Variants in MTNR1A observed in about 807,000 individuals in gnomAD.
The protein encoded by MTNR1A is melatonin receptor 1A, also known as melatonin receptor type 1A.
In MTNR1A, 7 loss-of-function variants were observed where a neutral mutation model predicts 5.5. That is an observed-to-expected ratio of 1.28 (90% CI 0.73 to 2.40). The LOEUF (loss-of-function observed/expected upper bound fraction) is 2.40, where lower values mean the gene tolerates loss of function less well. Among genes scored for constraint, MTNR1A ranks in the 30% most tolerant of loss-of-function variants. MTNR1A has a pLI of 0.00. For synonymous variants in MTNR1A, 196 were observed against 202.7 expected (o/e 0.97, Z 0.28); for missense variants, 441 against 464.4 (o/e 0.95, Z 0.46).
intron 1 of MTNR1A, among the ~76,000 whole-genome samples, chr4:186,553,692 T>C (rs998010665): frequency 2.0e-5 from 3 of 152,192 alleles, no homozygotes; most frequent in African/African-American, 7.2e-5. Flanking sequence ...TTTGTATTTT[T>C]AGTAGAGACG....
chr4:186,543,482 T>C (rs1454351350), intron 1 of MTNR1A, among the ~76,000 whole-genome samples: 1 of 152,232 alleles, frequency 6.6e-6, no homozygotes, highest in Non-Finnish European at 1.5e-5. Flanking sequence ...CCTGGCCAAC[T>C]GCAGAAGTGA....
intron 1 of MTNR1A, among the ~76,000 whole-genome samples, chr4:186,551,465 A>G (rs555093171): frequency 4.6e-5 from 7 of 152,228 alleles, no homozygotes; most frequent in Admixed American, 1.3e-4. Flanking sequence ...AAAAAGAACT[A>G]ATCACCAGAT....
intron 1 of MTNR1A, among the ~76,000 whole-genome samples, chr4:186,539,955 G>A (rs1736972312): frequency 6.6e-6 from 1 of 152,118 alleles, no homozygotes; most frequent in Admixed American, 6.6e-5. Context: ...AGACATACTC[G>A]AGACTGGGCA....
chr4:186,534,396 A>C lies in MTNR1A; in HGVS notation c.346T>G (p.Phe116Val). ...TTGATGGCGATGCCGGTGATGTTGA[A>C]TATGGAGCCGATGACGCTCAGGCCC... ...LMGLSVIGSI[F>V]NITGIAINRY... The change falls in exon 2 of 2, where the codon TTC (phenylalanine) becomes GTC (valine). Residue 116 changes from phenylalanine (F) to valine (V), a missense_variant. Physicochemically the swap from Phe to Val is conservative, Grantham distance 50. Transcript: ENST00000307161. 6.2e-7 allele frequency: 1 copy of C among 1,614,144 alleles called. No homozygotes were observed. The highest frequency in any genetic ancestry group is 8.5e-7 in the Non-Finnish European group (1 of 1,180,020).
intron 1 of MTNR1A, among the ~76,000 whole-genome samples, chr4:186,550,941 AACAGCTAAGAAT>A (rs1408035702): frequency 1.3e-4 from 20 of 152,230 alleles, no homozygotes; most frequent in Admixed American, 1.2e-3. Flanking sequence ...AAAACTGAAC[AACAGCTAAGAAT>A]ACAAGGGGGA....
chr4:186,543,457 T>C (rs546606174), intron 1 of MTNR1A, among the ~76,000 whole-genome samples: 2 of 152,288 alleles, frequency 1.3e-5, no homozygotes, highest in African/African-American at 4.8e-5. Flanking sequence ...TAGTTCCAAA[T>C]ACCCACTGTG....
chr4:186,538,207 C>T (rs1444598607), intron 1 of MTNR1A, among the ~76,000 whole-genome samples: 2 of 152,218 alleles, frequency 1.3e-5, no homozygotes, highest in Non-Finnish European at 2.9e-5. Flanking sequence ...AGGACACTGC[C>T]TGTCTTAGAT....
At chr4:186,553,809 G>T (rs1186288984) in intron 1 of MTNR1A, among the ~76,000 whole-genome samples, 1 of 152,222 alleles carries the variant, frequency 6.6e-6, no homozygotes, top group Admixed American at 6.5e-5. Flanking sequence ...ATCGCGCCCA[G>T]CCGTGAACAC....
intron 1 of MTNR1A, among the ~76,000 whole-genome samples, chr4:186,539,710 C>T (rs1054821446): frequency 1.3e-5 from 2 of 152,228 alleles, no homozygotes; most frequent in African/African-American, 4.8e-5. Flanking sequence ...GACTCCAAAT[C>T]TGCCAGTGCC....
Position 186,548,044 on chromosome 4 carries a change from A to G in MTNR1A, c.184+7138T>C, listed in dbSNP as rs150137416. ...CTGATACTGTACCTTTATTCGTCTT[A>G]GAGAATTTAGGATGAAACTTTAACA... On this transcript the variant is annotated intron_variant, in intron 1 of 1. Transcript: ENST00000307161. Among the ~76,000 whole-genome samples, 30 of 152,332 alleles carry G rather than the reference A, an allele frequency of 2.0e-4. No homozygotes were observed. The East Asian group carries it at 5.6e-3, about 28-fold the overall frequency.
chr4:186,554,676 C>T (rs1436777851), intron 1 of MTNR1A, among the ~76,000 whole-genome samples: 1 of 152,200 alleles, frequency 6.6e-6, no homozygotes, highest in Non-Finnish European at 1.5e-5. Context: ...CGCCGCCTGC[C>T]GGACACAGCA....
intron 1 of MTNR1A, among the ~76,000 whole-genome samples, chr4:186,542,272 G>C (rs1295048266): frequency 6.6e-6 from 1 of 152,128 alleles, no homozygotes; most frequent in Non-Finnish European, 1.5e-5. Context: ...GTTCTGGCTG[G>C]AACAGAGGCA....
chr4:186,550,962 G>GA (rs1560898706), intron 1 of MTNR1A, among the ~76,000 whole-genome samples: 3 of 152,292 alleles, frequency 2.0e-5, no homozygotes, highest in East Asian at 3.9e-4. Context: ...ATACAAGGGG[G>GA]AAAAATCAAT....
In MTNR1A at chr4:186,533,755, A is replaced by G. The variant is rs1311386969; in HGVS notation, c.987T>C (p.Asp329=). ...GTGGAGACGGTTTCCATTTAACCCTATCGGCCACGTCGTTAGAGCTGTCCA... is the reference window on the plus strand; with the variant it reads ...GTGGAGACGGTTTCCATTTAACCCTGTCGGCCACGTCGTTAGAGCTGTCCA... ...FFVDSSNDVA[D]RVKWKPSPLM... is the part of the protein sequence containing the mutation. Residue 329 remains aspartate, a synonymous_variant, in exon 2 of 2, where the codon GAT becomes GAC. Transcript: ENST00000307161. 6.8e-6 allele frequency: 11 copies of G among 1,614,150 alleles called. No homozygotes were observed. In the South Asian group the frequency reaches 1.2e-4, roughly 18 times the overall value.
chr4:186,551,059 A>C (rs1333127637), intron 1 of MTNR1A, among the ~76,000 whole-genome samples: 1 of 152,242 alleles, frequency 6.6e-6, no homozygotes, highest in Non-Finnish European at 1.5e-5. Context: ...AGCAGCGCCA[A>C]CAAGAAACCT....
chr4:186,548,840 TATATATAC>T (rs534869436), intron 1 of MTNR1A, among the ~76,000 whole-genome samples: 18,104 of 92,744 alleles, frequency 0.2, 2,482 homozygotes, highest in East Asian at 0.34. Context: ...TATATATATA[TATATATAC>T]ACTATATATG....
At position 186,534,197 on chromosome 4, in the gene MTNR1A, G is replaced by T; in HGVS notation, c.545C>A (p.Ser182Tyr). 6.2e-7 allele frequency: 1 copy of T among 1,613,642 alleles called. No homozygotes were observed. Among genetic ancestry groups the T allele is most frequent in the South Asian group, 1.1e-5 (1 of 91,080 alleles). ...GGCGATGGTGTAGGCGGAGCTGACG[G>T]ACTGGGCGAAGGTGCACGAGTAGAT... ...PRIYSCTFAQSVSSAYTIAVV... is the reference protein window; with the variant it reads ...PRIYSCTFAQYVSSAYTIAVV... Residue 182 changes from serine to tyrosine, a missense_variant, in exon 2 of 2, where the codon TCC becomes TAC. Ser to Tyr is a moderately radical substitution (Grantham distance 144). Coordinates refer to ENST00000307161, the MANE Select transcript of MTNR1A (RefSeq NM_005958.4).
At chr4:186,537,615 C>G (rs1736890138) in intron 1 of MTNR1A, among the ~76,000 whole-genome samples, 1 of 152,182 alleles carries the variant, frequency 6.6e-6, no homozygotes, top group East Asian at 1.9e-4. Flanking sequence ...ATAATTCCTA[C>G]TTTTTAAAGA....
chr4:186,536,767 T>C (rs1449162858), intron 1 of MTNR1A, among the ~76,000 whole-genome samples: 2 of 152,244 alleles, frequency 1.3e-5, no homozygotes, highest in Non-Finnish European at 2.9e-5. Flanking sequence ...TTGGTTGTAT[T>C]CATCCAAATT....
Sources: allele counts gnomAD v4.1 joint callset (sites outside exome capture counted in the v4.1 genomes callset), GRCh38; gene constraint gnomAD v4.1.1; transcripts MANE v1.5; gene names NCBI Gene and HGNC (gene_info 2026-07-23, HGNC 2026-07-21).